TNPO3: variants seen among roughly 807,000 people sequenced by gnomAD.
TNPO3 encodes the protein transportin 3.
In TNPO3, 65 loss-of-function variants were observed where a neutral mutation model predicts 122.8. That is an observed-to-expected ratio of 0.53 (90% CI 0.43 to 0.65). The LOEUF (loss-of-function observed/expected upper bound fraction) is 0.65. TNPO3 is among the 30% of genes least tolerant of loss of function. The pLI is 0.00. For missense variants in TNPO3, 850 were observed against 1,136.7 expected, an observed-to-expected ratio of 0.75 and a Z score of 3.63; for synonymous variants, 372 against 411.2, an observed-to-expected ratio of 0.90 and a Z score of 1.15.
At chr7:129,050,253 A>G (rs1291729042) in intron 1 of TNPO3, among the ~76,000 whole-genome samples, 4 of 151,578 alleles carry the variant, frequency 2.6e-5, no homozygotes, top group Non-Finnish European at 4.4e-5. Flanking sequence ...GCATGGTGGC[A>G]AGCACCTGTA....
intron 21 of TNPO3, among the ~76,000 whole-genome samples, chr7:128,963,183 A>G (rs1327883341): frequency 6.6e-6 from 1 of 152,202 alleles, no homozygotes; most frequent in African/African-American, 2.4e-5. Context: ...ACCTTATGAG[A>G]CTGGTAGTAC....
chr7:129,000,555 G>A lies in TNPO3; in HGVS notation c.885C>T (p.Tyr295=). The A allele has an allele frequency of 1.2e-6, 2 of 1,613,692 alleles. No individual in the cohort carries two copies. The highest frequency in any genetic ancestry group is 1.3e-5 in the African/African-American group (1 of 75,024). The change falls in exon 7 of 23, where the codon TAC becomes TAT. Residue 295 remains tyrosine (Y), a synonymous_variant. Coordinates refer to ENST00000265388, the MANE Select transcript of TNPO3 (RefSeq NM_012470.4). Reference sequence around the variant, plus strand: ...CACATAGTTCAGTGAAAATACGGCAGTAATTCAGAACTCTGTAGAAGACAG... The same window carrying A: ...CACATAGTTCAGTGAAAATACGGCAATAATTCAGAACTCTGTAGAAGACAG... The part of the protein sequence containing the change: ...AREDLDKVLN[Y]CRIFTELCET...
At chr7:128,987,273 G>A (rs953262372) in intron 11 of TNPO3, among the ~76,000 whole-genome samples, 8 of 152,148 alleles carry the variant, frequency 5.3e-5, no homozygotes, top group African/African-American at 1.9e-4. Context: ...CAAAGCTCAG[G>A]GAGTTACAAT....
At chr7:129,056,000 G>A, upstream of TNPO3, 1 of 882,190 alleles carries the variant, frequency 1.1e-6, no homozygotes, top group Non-Finnish European at 1.9e-6. Flanking sequence ...CTGACCTACA[G>A]CGCCTCAGCT....
chr7:128,977,592 CTTTT>C, intron 16 of TNPO3, among the ~76,000 whole-genome samples: 1 of 86,544 alleles, frequency 1.2e-5, no homozygotes, highest in South Asian at 5.0e-4. Context: ...TTCTTTTTTT[CTTTT>C]TTCTTTTTTT....
chr7:128,999,293 TG>T (rs1417569213), intron 7 of TNPO3, among the ~76,000 whole-genome samples: 1 of 152,216 alleles, frequency 6.6e-6, no homozygotes, highest in Non-Finnish European at 1.5e-5. Flanking sequence ...CCTGTTTCCT[TG>T]AGTGTGAGAG....
At chr7:128,957,170 G>T in intron 22 of TNPO3, 54 bp downstream of exon 22, 1 of 1,479,400 alleles carries the variant, frequency 6.8e-7, no homozygotes, top group Non-Finnish European at 9.4e-7. Context: ...CCATTCCCAG[G>T]CATCCCCAAC....
intron 21 of TNPO3, among the ~76,000 whole-genome samples, chr7:128,958,576 G>A (rs187371408): frequency 6.6e-6 from 1 of 152,286 alleles, no homozygotes; most frequent in African/African-American, 2.4e-5. Flanking sequence ...TTAAACACCA[G>A]GGGAGGAAAC....
At chr7:128,985,339 T>G (rs1191616851) in intron 12 of TNPO3, among the ~76,000 whole-genome samples, 1 of 152,206 alleles carries the variant, frequency 6.6e-6, no homozygotes, top group Non-Finnish European at 1.5e-5. Flanking sequence ...TCATGCCTGG[T>G]ATCTCAGCAC....
upstream of TNPO3, chr7:129,055,832 G>C (rs1460062510): frequency 1.8e-6 from 1 of 553,090 alleles, no homozygotes; most frequent in Non-Finnish European, 3.2e-6. Flanking sequence ...AAAGGTAACA[G>C]TATATTGATA....
At chr7:128,960,500 T>C (rs578108913) in intron 21 of TNPO3, among the ~76,000 whole-genome samples, 12 of 152,120 alleles carry the variant, frequency 7.9e-5, no homozygotes, top group African/African-American at 2.9e-4. Flanking sequence ...GTGATATTGA[T>C]GATCTTGACC....
intron 14 of TNPO3, among the ~76,000 whole-genome samples, chr7:128,981,840 C>T (rs1349392172): frequency 1.3e-5 from 2 of 151,802 alleles, no homozygotes; most frequent in Non-Finnish European, 2.9e-5. Context: ...GTGATCCTCC[C>T]ACCTCAGCCT....
chr7:128,993,986 A>G, intron 8 of TNPO3, 72 bp from the exon 9 acceptor site: 2 of 1,373,488 alleles, frequency 1.5e-6, no homozygotes, highest in Non-Finnish European at 2.0e-6. Context: ...AAAATCAAGA[A>G]GAAGAAAAAA....
intron 1 of TNPO3, among the ~76,000 whole-genome samples, chr7:129,037,541 C>T (rs1260022038): frequency 1.3e-5 from 2 of 152,094 alleles, no homozygotes; most frequent in Non-Finnish European, 2.9e-5. Flanking sequence ...CTCACAGTCA[C>T]CCAGCAGATC....
intron 21 of TNPO3, among the ~76,000 whole-genome samples, chr7:128,966,533 G>A (rs546493600): frequency 3.3e-5 from 5 of 152,164 alleles, no homozygotes; most frequent in African/African-American, 1.2e-4. Flanking sequence ...CATTTTAAAG[G>A]AAAATATTCA....
At chr7:129,042,825 A>G (rs1045427298) in intron 1 of TNPO3, among the ~76,000 whole-genome samples, 2 of 151,602 alleles carry the variant, frequency 1.3e-5, no homozygotes, top group Non-Finnish European at 2.9e-5. Flanking sequence ...AACTTAGCTA[A>G]TATCTTCACC....
chr7:129,015,254 G>T, intron 3 of TNPO3, 119 bp from the exon 4 acceptor site: 1 of 984,862 alleles, frequency 1.0e-6, no homozygotes, highest in Non-Finnish European at 1.5e-6. Context: ...ACTGTTAAGG[G>T]GGAGAAAAAA....
intron 1 of TNPO3, among the ~76,000 whole-genome samples, chr7:129,021,923 A>G (rs1023329286): frequency 6.6e-6 from 1 of 152,232 alleles, no homozygotes; most frequent in African/African-American, 2.4e-5. Flanking sequence ...GTCTTAAGAG[A>G]AACACATGAA....
At chr7:129,020,511 G>A (rs901159064) in intron 1 of TNPO3, among the ~76,000 whole-genome samples, 1 of 152,202 alleles carries the variant, frequency 6.6e-6, no homozygotes, top group Non-Finnish European at 1.5e-5. Context: ...CACGATCTCA[G>A]CTCATTGCAG....
Sources: gnomAD v4.1 joint callset for allele counts (sites outside exome capture counted in the v4.1 genomes callset) on GRCh38, gnomAD v4.1.1 for gene constraint, MANE v1.5 for transcripts, NCBI Gene and HGNC (gene_info 2026-07-23, HGNC 2026-07-21) for gene names.